The following DNAI2 variants were observed in gnomAD, a reference collection of about 807,000 sequenced individuals.
DNAI2 encodes the protein dynein axonemal intermediate chain 2, also known as dynein, axonemal, intermediate polypeptide 2.
A neutral mutation model predicts 74.7 loss-of-function variants in DNAI2; 63 were observed. The ratio of observed to expected loss-of-function variants is 0.84; its 90% CI spans 0.69 to 1.04. The LOEUF (loss-of-function observed/expected upper bound fraction) is 1.04. DNAI2 is among the 50% of genes least tolerant of loss of function. The pLI is 0.00. For missense variants in DNAI2, 688 were observed against 803.2 expected (o/e 0.86, Z 1.73); for synonymous variants, 289 against 314.9 (o/e 0.92, Z 0.87).
At chr17:74,304,704 C>T (rs11077741) in intron 8 of DNAI2, among the ~76,000 whole-genome samples, 69,333 of 152,064 alleles carry the variant, frequency 0.46, 18,537 homozygotes, top group Non-Finnish European at 0.63. Flanking sequence ...AGTTACATCA[C>T]CGACTGCCAG....
At chr17:74,287,857 A>G (rs1302910085) in intron 4 of DNAI2, among the ~76,000 whole-genome samples, 1 of 151,956 alleles carries the variant, frequency 6.6e-6, no homozygotes, top group Non-Finnish European at 1.5e-5. Context: ...CGGGATGCTG[A>G]GGCAGGAGAA....
In DNAI2 at chr17:74,285,219, C is replaced by T. The variant is rs559209668; in HGVS notation, c.345+18C>T. Reference sequence around the variant, plus strand: ...TCGGCTCTGTAAGGCTTCCTCCTGCCCCAGCTGCAAGAGCCCCATCCATCA... The same window carrying T: ...TCGGCTCTGTAAGGCTTCCTCCTGCTCCAGCTGCAAGAGCCCCATCCATCA... On this transcript the variant is annotated intron_variant, in intron 3 of 13. Transcript: ENST00000311014. The T allele has an allele frequency of 4.3e-6, 7 of 1,612,836 alleles. No homozygotes were observed. The South Asian group carries it at 4.4e-5, about 10-fold the overall frequency.
chr17:74,281,716 T>C (rs2051397698), intron 1 of DNAI2, 91 bp from the exon 2 acceptor site: 1 of 1,323,070 alleles, frequency 7.6e-7, no homozygotes, highest in Admixed American at 1.7e-5. Flanking sequence ...CCCAACCAGA[T>C]TGAGAACCTG....
intron 5 of DNAI2, among the ~76,000 whole-genome samples, chr17:74,290,781 C>T (rs775280929): frequency 2.0e-5 from 3 of 152,162 alleles, no homozygotes; most frequent in African/African-American, 4.8e-5. Flanking sequence ...CACACACATA[C>T]GCACACCCCA....
intron 2 of DNAI2, 79 bp from the exon 3 acceptor site, chr17:74,284,961 G>A (rs1251804017): frequency 1.3e-6 from 2 of 1,595,508 alleles, no homozygotes; most frequent in East Asian, 4.5e-5. Context: ...GAGCCCCCGT[G>A]GGACCTGGCT....
intron 11 of DNAI2, 138 bp downstream of exon 11, chr17:74,310,301 T>C: frequency 7.8e-7 from 1 of 1,279,654 alleles, no homozygotes; most frequent in Non-Finnish European, 1.1e-6. Context: ...GGAAGCAGTG[T>C]GGGCTCCATA....
rs1240172375 is a variant in DNAI2, at chr17:74,310,087, TG to T, written c.1422del (p.Thr475GlnfsTer21). 1.2e-6 allele frequency: 2 copies of T among 1,613,754 alleles called. No homozygotes were observed. Among genetic ancestry groups the T allele is most frequent in the East Asian group, 2.2e-5 (1 of 44,892 alleles). ...TGTCTCATCGCCTGCGGCTCCCAGCTGGGGACAACCACCCTGCTGGAGGTCT... is the reference window on the plus strand; with the variant it reads ...TGTCTCATCGCCTGCGGCTCCCAGCTGGGACAACCACCCTGCTGGAGGTCT... The part of the protein sequence containing the change: ...NGCLIACGSQ[L>X]GTTTLLEVSP... On this transcript the variant is annotated frameshift_variant, in exon 11 of 14. Transcript: ENST00000311014. LOFTEE classifies it high-confidence loss of function.
Position 74,314,246 on chromosome 17 carries a change from T to C in DNAI2, c.*30T>C, listed in dbSNP as rs79044798. The C allele has an allele frequency of 3.3e-5, 54 of 1,613,324 alleles. No individual in the cohort carries two copies. The highest frequency in any genetic ancestry group is 4.5e-5 in the Non-Finnish European group (53 of 1,179,488). On this transcript the variant is annotated 3_prime_UTR_variant, in exon 13 of 14. Coordinates refer to ENST00000311014, the MANE Select transcript of DNAI2 (RefSeq NM_023036.6). Reference sequence around the variant, plus strand: ...CAGCCTTCGACTGCGGCGCTATCCCTGTGTGCCTTCCTTTCCCACCTCTTG... The same window carrying C: ...CAGCCTTCGACTGCGGCGCTATCCCCGTGTGCCTTCCTTTCCCACCTCTTG...
Position 74,281,853 on chromosome 17 carries a change from C to A in DNAI2, c.36C>A (p.Ser12Arg), listed in dbSNP as rs1010691751. The change falls in exon 2 of 14, where the codon AGC becomes AGA. Residue 12 changes from serine (S) to arginine (R), a missense_variant. By Grantham distance (110) the Ser-to-Arg change is moderately radical (BLOSUM62 -1). Transcript: ENST00000311014. ...EIVYVYVKKR[S>R]EFGKQCNFSD... ...TGTACGTGTACGTCAAGAAGCGCAG[C>A]GAGTTCGGGAAGCAGTGCAATTTCT... 2 of 1,614,088 alleles carry A rather than the reference C, an allele frequency of 1.2e-6. No individual in the cohort carries two copies. Among genetic ancestry groups the A allele is most frequent in the East Asian group, 4.5e-5 (2 of 44,866 alleles).
At position 74,291,086 on chromosome 17, in the gene DNAI2, C is replaced by G. The variant is rs1243030611; in HGVS notation, c.677C>G (p.Pro226Arg). The G allele has an allele frequency of 6.2e-7, 1 of 1,614,062 alleles. No individual in the cohort carries two copies. The highest frequency in any genetic ancestry group is 1.3e-5 in the African/African-American group (1 of 74,934). The change falls in exon 6 of 14, where the codon CCC becomes CGC. Residue 226 changes from proline (P) to arginine (R), a missense_variant. Physicochemically the swap from Pro to Arg is moderately radical, Grantham distance 103. Transcript: ENST00000311014. ...SSPLVTLEFN[P>R]KDSHVLLGGC... ...CCACTCGTGACGTTGGAGTTCAACC[C>G]CAAAGATTCCCACGTACTCCTGGGT...
chr17:74,281,764 G>A (rs778872776), intron 1 of DNAI2, 43 bp from the exon 2 acceptor site: 103 of 1,599,832 alleles, frequency 6.4e-5, no homozygotes, highest in Non-Finnish European at 8.3e-5. Context: ...TAGGGAAGGG[G>A]CCGGTGGGGT....
intron 9 of DNAI2, among the ~76,000 whole-genome samples, chr17:74,306,418 C>T (rs1448279149): frequency 6.6e-6 from 1 of 152,190 alleles, no homozygotes; most frequent in African/African-American, 2.4e-5. Context: ...CCACCGAGCA[C>T]TGCCATGTGT....
At chr17:74,293,215 A>G (rs2052233986) in intron 6 of DNAI2, among the ~76,000 whole-genome samples, 3 of 152,066 alleles carry the variant, frequency 2.0e-5, no homozygotes, top group Admixed American at 2.0e-4. Context: ...TTGATCTTTC[A>G]CGTAGTAATT....
Position 74,301,075 on chromosome 17 carries a change from C to T in DNAI2, c.894C>T (p.Ser298=), listed in dbSNP as rs568996957. Residue 298 remains serine (S), a synonymous_variant, in exon 8 of 14, where the codon AGC becomes AGT. Transcript: ENST00000311014. The part of the protein sequence containing the change: ...QVMWWDIRKM[S]EPTEVVILDI... ...TGTGGTGGGACATCCGAAAGATGAG[C>T]GAGCCCACTGAAGTTGTGATCTTGG... 17 of 1,614,020 alleles carry T rather than the reference C, an allele frequency of 1.1e-5. No individual in the cohort carries two copies. Among genetic ancestry groups the T allele is most frequent in the Middle Eastern group, 1.7e-4 (1 of 6,058 alleles).
At chr17:74,284,007 G>A (rs1002983440) in intron 2 of DNAI2, among the ~76,000 whole-genome samples, 4 of 151,928 alleles carry the variant, frequency 2.6e-5, no homozygotes, top group African/African-American at 4.8e-5. Context: ...CCATGATGGC[G>A]AGCACCTGTA....
chr17:74,305,466 G>C, intron 9 of DNAI2, 24 bp downstream of exon 9: 1 of 1,609,702 alleles, frequency 6.2e-7, no homozygotes, highest in South Asian at 1.1e-5. Context: ...CTGGGGACAG[G>C]AGGGGATGCA....
rs778547622 is a variant in DNAI2, at chr17:74,281,951, AC to A, written c.137del (p.Pro46GlnfsTer40). ...CTGGCCGAGCAGTTCGTGGAGCGGA[AC>A]CCAGTGGACACGGGCATCCAGTGCT... ...PELAEQFVER[N>X]PVDTGIQCSI... is the part of the protein sequence containing the mutation. On this transcript the variant is annotated frameshift_variant, in exon 2 of 14. Coordinates refer to ENST00000311014, the MANE Select transcript of DNAI2 (RefSeq NM_023036.6). LOFTEE classifies it high-confidence loss of function. 1 of 1,613,974 alleles carries A rather than the reference AC, an allele frequency of 6.2e-7. No homozygotes were observed. The highest frequency in any genetic ancestry group is 2.2e-5 in the East Asian group (1 of 44,884).
intron 2 of DNAI2, among the ~76,000 whole-genome samples, chr17:74,284,184 C>T (rs778812649): frequency 7.5e-5 from 11 of 146,798 alleles, no homozygotes; most frequent in Non-Finnish European, 1.6e-4. Context: ...CATGCCACTG[C>T]ACTCCAGCCT....
intron 6 of DNAI2, among the ~76,000 whole-genome samples, chr17:74,293,869 C>T (rs995146610): frequency 4.6e-5 from 7 of 151,336 alleles, no homozygotes; most frequent in African/African-American, 9.7e-5. Flanking sequence ...CTGCAACCTC[C>T]GCCTCCTGGG....
Sources: gnomAD v4.1 joint callset for allele counts (sites outside exome capture counted in the v4.1 genomes callset) on GRCh38, gnomAD v4.1.1 for gene constraint, MANE v1.5 for transcripts, NCBI Gene and HGNC (gene_info 2026-07-23, HGNC 2026-07-21) for gene names.